RBFOX1: variants seen among roughly 807,000 people sequenced by gnomAD.
The protein encoded by RBFOX1 is RNA binding protein fox-1 homolog 1.
In RBFOX1, 8 loss-of-function variants were observed where a neutral mutation model predicts 57.7. That is an observed-to-expected ratio of 0.14 (90% CI 0.08 to 0.25). The LOEUF (loss-of-function observed/expected upper bound fraction) is 0.25, where lower values mean the gene tolerates loss of function less well. Ranked by LOEUF, RBFOX1 falls within the 10% of genes least tolerant of loss-of-function variation. The probability of loss-of-function intolerance (pLI) is 1.00; values close to 1 mark genes in which losing one functional copy is unlikely to be tolerated. For missense variants in RBFOX1, 611 were observed against 548.5 expected (o/e 1.11, Z -1.14); for synonymous variants, 326 against 222.4 (o/e 1.47, Z -4.15).
At chr16:5,590,233 G>T (rs1425904541) in intron 2 of RBFOX1, among the ~76,000 whole-genome samples, 2 of 152,170 alleles carry the variant, frequency 1.3e-5, no homozygotes, top group Admixed American at 6.5e-5. Context: ...ATTGCTGGAA[G>T]TGGTAGTGTT....
chr16:5,459,575 A>C (rs948772079), intron 1 of RBFOX1, among the ~76,000 whole-genome samples: 1 of 152,114 alleles, frequency 6.6e-6, no homozygotes, highest in Non-Finnish European at 1.5e-5. Flanking sequence ...ATGTCTGTGC[A>C]ACACTTTCTC....
rs76345995 is a variant in RBFOX1 at position 6,240,741 on chromosome 16, C to A, written c.-126-76254C>A. On this transcript the variant is annotated intron_variant, in intron 1 of 15. Coordinates refer to ENST00000550418, the MANE Select transcript of RBFOX1 (RefSeq NM_018723.4). Reference sequence around the variant, plus strand: ...GTTCACATTTGCAGAACACTGACGTCTTGGCTACTTACAACTCAGCCACAT... The same window carrying A: ...GTTCACATTTGCAGAACACTGACGTATTGGCTACTTACAACTCAGCCACAT... Among the ~76,000 whole-genome samples the A allele has an allele frequency of 4.6e-5, 7 of 152,218 alleles. No individual in the cohort carries two copies. The East Asian group carries it at 1.4e-3, about 29-fold the overall frequency.
intron 4 of RBFOX1, among the ~76,000 whole-genome samples, chr16:7,414,118 C>G (rs1036150791): frequency 6.6e-6 from 1 of 152,180 alleles, no homozygotes; most frequent in African/African-American, 2.4e-5. Flanking sequence ...AATCCCAATT[C>G]AAGGGGTCTA....
At chr16:5,418,156 A>T (rs476959) in intron 1 of RBFOX1, among the ~76,000 whole-genome samples, 23,172 of 152,260 alleles carry the variant, frequency 0.15, 3,809 homozygotes, top group African/African-American at 0.41. Context: ...GTCTCACTGC[A>T]TTAAAACCTT....
intron 4 of RBFOX1, among the ~76,000 whole-genome samples, chr16:7,339,845 G>T (rs2096859904): frequency 6.6e-6 from 1 of 152,182 alleles, no homozygotes; most frequent in South Asian, 2.1e-4. Flanking sequence ...AGGCACTATT[G>T]AATTCAGGAA....
chr16:5,311,414 C>A (rs1232911792), intron 1 of RBFOX1, among the ~76,000 whole-genome samples: 1 of 151,984 alleles, frequency 6.6e-6, no homozygotes, highest in Non-Finnish European at 1.5e-5. Context: ...GGGTGGGTAC[C>A]CAGTAGTGGG....
At chr16:7,524,883 C>G (rs2078331866) in intron 5 of RBFOX1, among the ~76,000 whole-genome samples, 1 of 152,192 alleles carries the variant, frequency 6.6e-6, no homozygotes. Context: ...AAAACTTGTT[C>G]AGGGCATTCC....
At chr16:7,207,792 G>A (rs1350885795) in intron 4 of RBFOX1, among the ~76,000 whole-genome samples, 1 of 152,168 alleles carries the variant, frequency 6.6e-6, no homozygotes, top group Non-Finnish European at 1.5e-5. Context: ...GCTTCTCCTA[G>A]AATGTGCAGC....
At chr16:7,320,990 G>C (rs887141857) in intron 4 of RBFOX1, among the ~76,000 whole-genome samples, 1 of 152,030 alleles carries the variant, frequency 6.6e-6, no homozygotes, top group Admixed American at 6.6e-5. Context: ...TGATCAATAT[G>C]ATACATTGCT....
rs1410935296 is a variant in RBFOX1 at position 6,531,241 on chromosome 16, AG to A, written c.-63-123361del. ...AGGGACATCTCTGAGACAGCCATCA[AG>A]TTTGCTGTGTCTGTAGACTTCTAAC... On this transcript the variant is annotated intron_variant, in intron 2 of 15. Coordinates refer to ENST00000550418, the MANE Select transcript of RBFOX1 (RefSeq NM_018723.4). 2.0e-5 allele frequency among the ~76,000 whole-genome samples: 3 copies of A among 152,258 alleles called. No homozygotes were observed. The East Asian group carries it at 5.8e-4, about 29-fold the overall frequency.
chr16:5,342,258 G>C (rs2065048690), intron 1 of RBFOX1, among the ~76,000 whole-genome samples: 1 of 152,114 alleles, frequency 6.6e-6, no homozygotes, highest in Non-Finnish European at 1.5e-5. Context: ...GTTGAGATTT[G>C]AGGTGACTGA....
At chr16:6,844,623 C>T (rs139526535) in intron 3 of RBFOX1, among the ~76,000 whole-genome samples, 51 of 151,988 alleles carry the variant, frequency 3.4e-4, no homozygotes, top group African/African-American at 1.0e-3. Context: ...TCTTTGCTAT[C>T]GTGAATAGTG....
chr16:7,231,945 G>A (rs560653538), intron 4 of RBFOX1, among the ~76,000 whole-genome samples: 19 of 152,240 alleles, frequency 1.2e-4, no homozygotes, highest in African/African-American at 2.6e-4. Context: ...ATTTTGTTTC[G>A]GAATGGAATG....
rs1469392505 is a variant in RBFOX1 at position 6,025,354 on chromosome 16, G to A, written c.-127+5362G>A. On this transcript the variant is annotated intron_variant, in intron 1 of 15. Transcript: ENST00000550418. ...CACTAAAATCTTTCATTCAAGAAGA[G>A]GGATTACTTTATAGGGAAAAAGAAC... Among the ~76,000 whole-genome samples the A allele has an allele frequency of 2.0e-5, 3 of 152,286 alleles. No homozygotes were observed. The South Asian group carries it at 6.2e-4, about 32-fold the overall frequency.
intron 4 of RBFOX1, among the ~76,000 whole-genome samples, chr16:7,288,856 A>T (rs1301767444): frequency 6.6e-6 from 1 of 152,214 alleles, no homozygotes; most frequent in East Asian, 1.9e-4. Flanking sequence ...CTTTGTTGTT[A>T]CTTTTTACAG....
intron 3 of RBFOX1, among the ~76,000 whole-genome samples, chr16:6,736,642 A>G (rs887495357): frequency 6.6e-6 from 1 of 152,224 alleles, no homozygotes; most frequent in East Asian, 1.9e-4. Context: ...ATCTTTTTCA[A>G]ATAATGACAT....
At chr16:5,479,212 C>G (rs894509149) in intron 2 of RBFOX1, among the ~76,000 whole-genome samples, 2 of 152,112 alleles carry the variant, frequency 1.3e-5, no homozygotes, top group Admixed American at 6.5e-5. Flanking sequence ...CTTCATGGCC[C>G]TTGTCAAATC....
At chr16:7,167,686 A>C (rs1362737419) in intron 4 of RBFOX1, among the ~76,000 whole-genome samples, 1 of 152,228 alleles carries the variant, frequency 6.6e-6, no homozygotes, top group East Asian at 1.9e-4. Flanking sequence ...GCTGCAAACT[A>C]AGGCCTGAGA....
intron 1 of RBFOX1, among the ~76,000 whole-genome samples, chr16:5,416,285 T>G (rs370197904): frequency 3.9e-5 from 6 of 152,354 alleles, no homozygotes; most frequent in African/African-American, 1.4e-4. Context: ...TTGTGAATGG[T>G]GGAGCCAGGA....
Sources: gnomAD v4.1 joint callset for allele counts (sites outside exome capture counted in the v4.1 genomes callset) on GRCh38, gnomAD v4.1.1 for gene constraint, MANE v1.5 for transcripts, NCBI Gene and HGNC (gene_info 2026-07-23, HGNC 2026-07-21) for gene names.